PLXDC2: variants seen among roughly 807,000 people sequenced by gnomAD.
The protein encoded by PLXDC2 is plexin domain containing 2.
A neutral mutation model predicts 68.9 loss-of-function variants in PLXDC2; 40 were observed. The observed-to-expected ratio is 0.58, with a 90% CI of 0.45 to 0.76. The LOEUF is 0.76. Ranked by LOEUF, PLXDC2 falls within the 30% of genes least tolerant of loss-of-function variation. The pLI is 0.00. For synonymous variants in PLXDC2, 243 were observed against 234.2 expected (o/e 1.04, Z -0.34); for missense variants, 644 against 661.9 (o/e 0.97, Z 0.30).
At position 20,249,456 on chromosome 10, in the gene PLXDC2, G is replaced by A. The variant is rs571617580; in HGVS notation, c.1473+3951G>A. The stretch of plus-strand genomic sequence containing the variant: ...CTGGTTCCTTCGGGAGGCTTCAGGG[G>A]ATAATCGTTTCCTTGCCATTTTCAG... On this transcript the variant is annotated intron_variant, in intron 13 of 13. Coordinates refer to ENST00000377252, the MANE Select transcript of PLXDC2 (RefSeq NM_032812.9). Among the ~76,000 whole-genome samples the A allele has an allele frequency of 7.2e-5, 11 of 152,294 alleles. No individual in the cohort carries two copies. In the South Asian group the frequency reaches 1.9e-3, roughly 26 times the overall value.
chr10:20,136,890 T>G (rs1475075048), intron 4 of PLXDC2, among the ~76,000 whole-genome samples: 4 of 152,240 alleles, frequency 2.6e-5, no homozygotes, highest in Admixed American at 6.5e-5. Flanking sequence ...AGCTTCTTTG[T>G]GCATCCTTTA....
intron 7 of PLXDC2, among the ~76,000 whole-genome samples, chr10:20,174,425 A>T (rs1834497387): frequency 6.6e-6 from 1 of 152,144 alleles, no homozygotes; most frequent in Admixed American, 6.6e-5. Flanking sequence ...TGCATCTTTC[A>T]GTTATACCAA....
intron 1 of PLXDC2, among the ~76,000 whole-genome samples, chr10:19,841,637 T>A (rs1836909668): frequency 6.6e-6 from 1 of 151,798 alleles, no homozygotes; most frequent in South Asian, 2.1e-4. Flanking sequence ...GATAGACTTC[T>A]GTGCCTTTCT....
intron 4 of PLXDC2, among the ~76,000 whole-genome samples, chr10:20,133,261 A>G (rs941904361): frequency 7.2e-5 from 11 of 152,186 alleles, no homozygotes; most frequent in African/African-American, 2.7e-4. Flanking sequence ...GAATATAAGA[A>G]TAGCTGAGTG....
At chr10:19,973,252 G>GTA (rs953937595) in intron 1 of PLXDC2, among the ~76,000 whole-genome samples, 1 of 142,922 alleles carries the variant, frequency 7.0e-6, no homozygotes, top group African/African-American at 2.6e-5. Context: ...ACATATATAT[G>GTA]TATATATATA....
chr10:20,131,943 T>C (rs1055910193), intron 4 of PLXDC2, among the ~76,000 whole-genome samples: 1 of 151,754 alleles, frequency 6.6e-6, no homozygotes, highest in African/African-American at 2.4e-5. Flanking sequence ...TTAGGTTGCT[T>C]TTATGAAATC....
intron 12 of PLXDC2, among the ~76,000 whole-genome samples, chr10:20,242,221 T>A (rs1588538425): frequency 6.6e-6 from 1 of 152,294 alleles, no homozygotes; most frequent in Non-Finnish European, 1.5e-5. Flanking sequence ...TAAGCATACA[T>A]AAGAATGAGG....
At position 20,009,917 on chromosome 10, in the gene PLXDC2, T is replaced by A. The variant is rs12251903; in HGVS notation, c.324+7931T>A. Among the ~76,000 whole-genome samples the A allele has an allele frequency of 4.8e-3, 725 of 152,024 alleles. 5 individuals are homozygous for A. The highest frequency in any genetic ancestry group is 0.016 in the African/African-American group (682 of 41,442). On this transcript the variant is annotated intron_variant, in intron 2 of 13. Coordinates refer to ENST00000377252, the MANE Select transcript of PLXDC2 (RefSeq NM_032812.9). The stretch of plus-strand genomic sequence containing the variant: ...ATTGCTATGGGAACTGAATCAGAAA[T>A]CCCAAATCTAGGAGTGAAAAGATGA...
At chr10:20,035,265 C>G (rs1835559470) in intron 2 of PLXDC2, among the ~76,000 whole-genome samples, 1 of 152,100 alleles carries the variant, frequency 6.6e-6, no homozygotes, top group Non-Finnish European at 1.5e-5. Flanking sequence ...TGATTAATTG[C>G]TTGTTAATCA....
rs191351485 is a variant in PLXDC2 at position 20,106,676 on chromosome 10, A to G, written c.542-36619A>G. Among the ~76,000 whole-genome samples the G allele has an allele frequency of 1.6e-3, 243 of 152,240 alleles. 1 individual carries two copies. Among genetic ancestry groups the G allele is most frequent in the African/African-American group, 5.7e-3 (235 of 41,524 alleles). ...TGTTCATAGTCTGTTTTCTTTGGCCAGAACTCTCCTTCACCTCTCTATTTT... is the reference window on the plus strand; with the variant it reads ...TGTTCATAGTCTGTTTTCTTTGGCCGGAACTCTCCTTCACCTCTCTATTTT... On this transcript the variant is annotated intron_variant, in intron 4 of 13. Transcript: ENST00000377252.
At chr10:20,054,768 G>A (rs1038782301) in intron 3 of PLXDC2, among the ~76,000 whole-genome samples, 5 of 152,006 alleles carry the variant, frequency 3.3e-5, no homozygotes, top group African/African-American at 1.2e-4. Flanking sequence ...ACGAGTTGAT[G>A]GGTGCAGCAC....
chr10:19,879,576 A>T (rs2358650), intron 1 of PLXDC2, among the ~76,000 whole-genome samples: 117,969 of 152,132 alleles, frequency 0.78, 46,278 homozygotes, highest in African/African-American at 0.9. Context: ...AGGTACATAA[A>T]AGAAGGCCTT....
chr10:20,120,944 G>C (rs1833688891), intron 4 of PLXDC2, among the ~76,000 whole-genome samples: 1 of 152,178 alleles, frequency 6.6e-6, no homozygotes, highest in Admixed American at 6.5e-5. Context: ...TCAGGATGAG[G>C]AACAGGAAAG....
rs1554781439 is a variant in PLXDC2 at position 20,287,979 on chromosome 10, C to CCGGG, written c.*8160_*8161insCGGG. On this transcript the variant is annotated 3_prime_UTR_variant, in exon 14 of 14. Transcript: ENST00000377252. The stretch of plus-strand genomic sequence containing the variant: ...AGAAGAAATTGGGCACTTCTTGCGG[C>CCGGG]GGGGGAGGGGGGGGGGGCGGTGGCT... 7 of 12,396 alleles carry CCGGG rather than the reference C, an allele frequency of 5.6e-4. 1 individual carries two copies. The highest frequency in any genetic ancestry group is 2.3e-3 in the African/African-American group (7 of 2,990). 0.8% of individuals were successfully genotyped at this position (12,396 alleles called of 1,614,324 possible). A position where few individuals can be genotyped will look rare whatever the true frequency, so the allele number is the denominator to read the frequency against.
At chr10:20,077,897 A>G (rs575484158) in intron 4 of PLXDC2, among the ~76,000 whole-genome samples, 5 of 152,224 alleles carry the variant, frequency 3.3e-5, no homozygotes, top group South Asian at 2.1e-4. Flanking sequence ...CTCTGAAAAA[A>G]CATTTTTTTC....
rs913261460 is a variant in PLXDC2 at position 20,286,706 on chromosome 10, T to C, written c.*6887T>C. 1 of 152,158 alleles carries C rather than the reference T, an allele frequency of 6.6e-6. No homozygotes were observed. Among genetic ancestry groups the C allele is most frequent in the Non-Finnish European group, 1.5e-5 (1 of 68,026 alleles). 9.4% of individuals were successfully genotyped at this position (152,158 alleles called of 1,614,324 possible). A position where few individuals can be genotyped will look rare whatever the true frequency, so the allele number is the denominator to read the frequency against. On this transcript the variant is annotated 3_prime_UTR_variant, in exon 14 of 14. Coordinates refer to ENST00000377252, the MANE Select transcript of PLXDC2 (RefSeq NM_032812.9). Reference sequence around the variant, plus strand: ...AAAAAATAAAAATCTAAATGTGCTATTAGGCAGAGTTATTAACTTCTTTTA... The same window carrying C: ...AAAAAATAAAAATCTAAATGTGCTACTAGGCAGAGTTATTAACTTCTTTTA...
At position 20,147,843 on chromosome 10, in the gene PLXDC2, A is replaced by T. The variant is rs1424849689; in HGVS notation, c.724A>T (p.Ser242Cys). ...VHLQDNYNLG[S>C]FTFQATLLMD... Reference sequence around the variant, plus strand: ...TCTCCAGGATAATTATAACCTGGGAAGCTTCACATTCCAGGCAACCCTGCT... The same window carrying T: ...TCTCCAGGATAATTATAACCTGGGATGCTTCACATTCCAGGCAACCCTGCT... Residue 242 changes from serine (S) to cysteine (C), a missense_variant, in exon 6 of 14, where the codon AGC (serine) becomes TGC (cysteine). Transcript: ENST00000377252. The T allele has an allele frequency of 3.7e-6, 6 of 1,613,678 alleles. No individual in the cohort carries two copies. The highest frequency in any genetic ancestry group is 5.1e-6 in the Non-Finnish European group (6 of 1,179,624).
At chr10:19,993,515 G>C (rs1240838774) in intron 1 of PLXDC2, among the ~76,000 whole-genome samples, 6 of 152,170 alleles carry the variant, frequency 3.9e-5, no homozygotes, top group Non-Finnish European at 8.8e-5. Context: ...TGCCTCCCGG[G>C]TTCAAGCAAT....
intron 1 of PLXDC2, among the ~76,000 whole-genome samples, chr10:19,900,542 AT>A (rs1838140760): frequency 6.6e-5 from 10 of 152,118 alleles, no homozygotes; most frequent in African/African-American, 2.4e-4. Context: ...TTTTATCAAC[AT>A]CCACATAGTT....
Sources: gnomAD v4.1 joint callset for allele counts (sites outside exome capture counted in the v4.1 genomes callset) on GRCh38, gnomAD v4.1.1 for gene constraint, MANE v1.5 for transcripts, NCBI Gene and HGNC (gene_info 2026-07-23, HGNC 2026-07-21) for gene names.